SYNE1: variants seen among roughly 807,000 people sequenced by gnomAD.
SYNE1 encodes nesprin-1.
Under a neutral mutation model 1,111.0 loss-of-function variants are expected in SYNE1, and 616 were observed. The ratio of observed to expected loss-of-function variants is 0.55; its 90% CI spans 0.52 to 0.59. The LOEUF (loss-of-function observed/expected upper bound fraction) is 0.59, where lower values mean the gene tolerates loss of function less well. Ranked by LOEUF, SYNE1 falls within the 20% of genes least tolerant of loss-of-function variation. The pLI is 0.00. For missense variants in SYNE1, 10,006 were observed against 10,417.0 expected (o/e 0.96, Z 1.72); for synonymous variants, 3,855 against 3,825.8 (o/e 1.01, Z -0.28).
At position 152,435,844 on chromosome 6, in the gene SYNE1, T is replaced by C. The variant is rs563954619; in HGVS notation, c.4310+97A>G. The stretch of plus-strand genomic sequence containing the variant: ...AAACATGCTGAAATACACAGACACT[T>C]TGAGATTTTAAAAGAGTGTTTTGAA... On this transcript the variant is annotated intron_variant, in intron 33 of 145. Coordinates refer to ENST00000367255, the MANE Select transcript of SYNE1 (RefSeq NM_182961.4). 70 of 1,443,650 alleles carry C rather than the reference T, an allele frequency of 4.8e-5. 1 individual carries two copies. In the South Asian group the frequency reaches 7.6e-4, roughly 16 times the overall value. 89.4% of individuals were successfully genotyped at this position (1,443,650 alleles called of 1,614,324 possible). A position where few individuals can be genotyped will look rare whatever the true frequency, so the allele number is the denominator to read the frequency against.
At chr6:152,149,715 A>G (rs1485640966) in intron 135 of SYNE1, 47 bp from the exon 136 acceptor site, 1 of 1,512,886 alleles carries the variant, frequency 6.6e-7, no homozygotes, top group African/African-American at 1.4e-5. Flanking sequence ...TGTTGCTTAC[A>G]TTGATATAAA....
At chr6:152,575,020 A>C (rs937705378) in intron 3 of SYNE1, among the ~76,000 whole-genome samples, 2 of 152,210 alleles carry the variant, frequency 1.3e-5, no homozygotes, top group East Asian at 3.8e-4. Context: ...TAAGAAAAAT[A>C]AATGTGAATG....
At chr6:152,468,768 T>C (rs572017097) in intron 16 of SYNE1, among the ~76,000 whole-genome samples, 1 of 152,268 alleles carries the variant, frequency 6.6e-6, no homozygotes, top group East Asian at 1.9e-4. Flanking sequence ...CTTATTATAA[T>C]ACTTTATTTT....
chr6:152,314,026 TG>T (rs2095634696), intron 87 of SYNE1, among the ~76,000 whole-genome samples: 1 of 152,220 alleles, frequency 6.6e-6, no homozygotes, highest in Non-Finnish European at 1.5e-5. Context: ...GAATTCCAGC[TG>T]CTTAGTATCT....
At chr6:152,249,138 T>C (rs1208823966) in intron 105 of SYNE1, 23 bp downstream of exon 105, 6 of 1,479,270 alleles carry the variant, frequency 4.1e-6, no homozygotes, top group Non-Finnish European at 4.7e-6. Context: ...TTTTCTCTTC[T>C]AGGAAAAGGC....
chr6:152,628,699 A>G, intron 2 of SYNE1, 145 bp from the exon 3 acceptor site: 1 of 218,354 alleles, frequency 4.6e-6, no homozygotes, highest in Non-Finnish European at 9.3e-6. Flanking sequence ...CTTATAAACT[A>G]CAAAGTACTA....
rs756712103 is a variant in SYNE1 at position 152,214,926 on chromosome 6, AGAG to A, written c.22323_22325del (p.Ser7442del). ...TCTACCTGAATCTTTCTGTAGTCTG[AGAG>A]GAGATCAGAGACCAATGGCGGTTCA... On this transcript the variant is annotated inframe_deletion, in exon 122 of 146. Coordinates refer to ENST00000367255, the MANE Select transcript of SYNE1 (RefSeq NM_182961.4). 7 of 1,614,138 alleles carry A rather than the reference AGAG, an allele frequency of 4.3e-6. No individual in the cohort carries two copies. The Admixed American group carries it at 8.3e-5, about 19-fold the overall frequency.
At chr6:152,595,509 T>A (rs547454024) in intron 3 of SYNE1, among the ~76,000 whole-genome samples, 4 of 152,196 alleles carry the variant, frequency 2.6e-5, no homozygotes, top group Admixed American at 6.5e-5. Flanking sequence ...GACACCCCTA[T>A]CTCAAGTAGG....
rs146328761 is a variant in SYNE1, at chr6:152,251,826, C to T, written c.19471-2564G>A. ...AACTATTTTTGTATTATTACACTTG[C>T]GATACAACAGGATAATTAAGGTATC... is the stretch of plus-strand genomic sequence containing the variant. On this transcript the variant is annotated intron_variant, in intron 104 of 145. Coordinates refer to ENST00000367255, the MANE Select transcript of SYNE1 (RefSeq NM_182961.4). Among the ~76,000 whole-genome samples the T allele has an allele frequency of 4.1e-3, 621 of 152,204 alleles. 1 individual carries two copies. Among genetic ancestry groups the T allele is most frequent in the Middle Eastern group, 0.01 (3 of 294 alleles).
intron 95 of SYNE1, among the ~76,000 whole-genome samples, chr6:152,287,154 C>T (rs907323854): frequency 2.0e-5 from 3 of 152,116 alleles, no homozygotes; most frequent in Non-Finnish European, 4.4e-5. Context: ...GATCATTCAC[C>T]ATAGATATTT....
intron 142 of SYNE1, chr6:152,133,999 A>G (rs2056470072): frequency 6.0e-6 from 1 of 166,590 alleles, no homozygotes. Flanking sequence ...TAAGACTATT[A>G]TGGTACTGAA....
At chr6:152,173,123 A>C (rs2065607608) in intron 130 of SYNE1, among the ~76,000 whole-genome samples, 1 of 152,208 alleles carries the variant, frequency 6.6e-6, no homozygotes, top group Non-Finnish European at 1.5e-5. Flanking sequence ...AAAATTGACA[A>C]TGCTTGACAA....
intron 56 of SYNE1, among the ~76,000 whole-genome samples, chr6:152,377,320 A>G (rs1390343532): frequency 1.3e-5 from 2 of 152,012 alleles, no homozygotes; most frequent in Non-Finnish European, 2.9e-5. Context: ...TTAAATATAT[A>G]TATTAAGGGC....
chr6:152,567,486 T>C (rs1190507451), intron 3 of SYNE1, among the ~76,000 whole-genome samples: 1 of 152,214 alleles, frequency 6.6e-6, no homozygotes. Flanking sequence ...ATAATTTGGA[T>C]GCTTCTATTG....
At chr6:152,528,364 A>G (rs1019784517) in intron 4 of SYNE1, among the ~76,000 whole-genome samples, 1 of 152,160 alleles carries the variant, frequency 6.6e-6, no homozygotes, top group Non-Finnish European at 1.5e-5. Context: ...AGACTTTATT[A>G]CACCAGAATA....
At chr6:152,214,582 T>C (rs982674262) in intron 122 of SYNE1, among the ~76,000 whole-genome samples, 3 of 152,180 alleles carry the variant, frequency 2.0e-5, no homozygotes, top group African/African-American at 7.2e-5. Context: ...GACTCCTCCT[T>C]TGTCAATGGG....
intron 3 of SYNE1, among the ~76,000 whole-genome samples, chr6:152,566,273 GT>G (rs1189132373): frequency 2.0e-5 from 3 of 152,082 alleles, no homozygotes; most frequent in Non-Finnish European, 4.4e-5. Context: ...ATGCTGGCAG[GT>G]TTGAGAAAAA....
chr6:152,465,220 C>T (rs201580318), intron 18 of SYNE1, 38 bp downstream of exon 18: 19 of 1,606,690 alleles, frequency 1.2e-5, no homozygotes, highest in East Asian at 2.2e-5. Flanking sequence ...TTTTTACATA[C>T]ATCAAACGTC....
intron 14 of SYNE1, among the ~76,000 whole-genome samples, chr6:152,478,316 T>G (rs1306310433): frequency 1.3e-5 from 2 of 152,072 alleles, no homozygotes; most frequent in Non-Finnish European, 2.9e-5. Flanking sequence ...GGACAGTAGC[T>G]GGGAGGGGAA....
Sources: gnomAD v4.1 joint callset for allele counts (sites outside exome capture counted in the v4.1 genomes callset) on GRCh38, gnomAD v4.1.1 for gene constraint, MANE v1.5 for transcripts, NCBI Gene and HGNC (gene_info 2026-07-23, HGNC 2026-07-21) for gene names.